Variants in RAD50 observed in about 807,000 individuals in gnomAD.
RAD50 encodes the protein RAD50 double strand break repair protein.
RAD50 carries 132 observed loss-of-function variants against 168.8 expected under a neutral mutation model. The ratio of observed to expected loss-of-function variants is 0.78; its 90% confidence interval spans 0.68 to 0.90. The LOEUF (loss-of-function observed/expected upper bound fraction) is 0.90, where lower values mean the gene tolerates loss of function less well. Among genes scored for constraint, RAD50 ranks in the 40% least tolerant of loss-of-function variants. The pLI is 0.00. For missense variants in RAD50, 1,347 were observed against 1,534.4 expected (o/e 0.88, Z 2.04); for synonymous variants, 525 against 497.4 (o/e 1.06, Z -0.74).
At chr5:132,570,451 C>A (rs995650246) in intron 2 of RAD50, among the ~76,000 whole-genome samples, 1 of 152,246 alleles carries the variant, frequency 6.6e-6, no homozygotes, top group African/African-American at 2.4e-5. Context: ...TCATCAATTA[C>A]CTGAGCTAGA....
intron 3 of RAD50, among the ~76,000 whole-genome samples, chr5:132,576,275 A>T (rs1262728332): frequency 1.3e-5 from 2 of 152,208 alleles, no homozygotes; most frequent in Non-Finnish European, 2.9e-5. Context: ...GAAAGCACAT[A>T]ATCACTCAAA....
chr5:132,562,181 A>G (rs535471965), intron 2 of RAD50, among the ~76,000 whole-genome samples: 3 of 152,372 alleles, frequency 2.0e-5, no homozygotes, highest in Admixed American at 1.3e-4. Flanking sequence ...AGGAGAGACT[A>G]GATCCTGTAG....
intron 13 of RAD50, among the ~76,000 whole-genome samples, chr5:132,596,683 A>T (rs555521397): frequency 6.6e-6 from 1 of 152,384 alleles, no homozygotes; most frequent in East Asian, 1.9e-4. Context: ...GACCTAAGAC[A>T]TGACCCTCCA....
intron 5 of RAD50, among the ~76,000 whole-genome samples, chr5:132,583,125 T>G (rs1170681849): frequency 2.6e-5 from 4 of 152,250 alleles, no homozygotes; most frequent in African/African-American, 7.2e-5. Context: ...TGTTAGACTC[T>G]ACTCAAAAGG....
chr5:132,582,598 C>T (rs754295011), intron 5 of RAD50, among the ~76,000 whole-genome samples: 1 of 152,174 alleles, frequency 6.6e-6, no homozygotes, highest in Non-Finnish European at 1.5e-5. Context: ...ACCATCCCAC[C>T]ATATCCTGTC....
At chr5:132,566,909 G>A (rs1750219192) in intron 2 of RAD50, among the ~76,000 whole-genome samples, 1 of 152,084 alleles carries the variant, frequency 6.6e-6, no homozygotes, top group Non-Finnish European at 1.5e-5. Flanking sequence ...ACTTCCTTTA[G>A]ACTACCTTCC....
intron 13 of RAD50, among the ~76,000 whole-genome samples, chr5:132,601,898 G>A (rs561912734): frequency 1.3e-5 from 2 of 152,196 alleles, no homozygotes; most frequent in South Asian, 4.2e-4. Flanking sequence ...AACATTGCAT[G>A]TTCTCACTCA....
At chr5:132,599,163 T>C (rs966894234) in intron 13 of RAD50, among the ~76,000 whole-genome samples, 20 of 152,294 alleles carry the variant, frequency 1.3e-4, no homozygotes, top group Admixed American at 1.1e-3. Flanking sequence ...TTTTCATGGT[T>C]TCATGGGATG....
Position 132,618,052 on chromosome 5 carries a change from C to A in RAD50, c.3165-18C>A. 2 of 1,603,098 alleles carry A rather than the reference C, an allele frequency of 1.2e-6. No homozygotes were observed. Among genetic ancestry groups the A allele is most frequent in the South Asian group, 2.2e-5 (2 of 90,658 alleles). ...AAGCTAAAAAATGGTCCTCATTTGTCATTTTTCTTTTTTACAGTGAACATC... is the reference window on the plus strand; with the variant it reads ...AAGCTAAAAAATGGTCCTCATTTGTAATTTTTCTTTTTTACAGTGAACATC... On this transcript the variant is annotated intron_variant, in intron 20 of 24. Coordinates refer to ENST00000378823, the MANE Select transcript of RAD50 (RefSeq NM_005732.4).
At chr5:132,597,114 T>A (rs973376193) in intron 13 of RAD50, among the ~76,000 whole-genome samples, 2 of 152,142 alleles carry the variant, frequency 1.3e-5, no homozygotes, top group Non-Finnish European at 2.9e-5. Flanking sequence ...GGAAAATTAA[T>A]CTAATATTAA....
intron 19 of RAD50, among the ~76,000 whole-genome samples, chr5:132,612,730 A>G (rs1751108383): frequency 6.6e-6 from 1 of 152,066 alleles, no homozygotes; most frequent in Non-Finnish European, 1.5e-5. Context: ...CAGGAGGCTG[A>G]GGTGGGAGGA....
Position 132,642,926 on chromosome 5 carries a change from G to A in RAD50, c.*562G>A, listed in dbSNP as rs1751763624. The A allele has an allele frequency of 2.2e-6, 1 of 457,568 alleles. No homozygotes were observed. Among genetic ancestry groups the A allele is most frequent in the Non-Finnish European group, 4.5e-6 (1 of 219,844 alleles). The allele number at this position is 457,568 out of a possible 1,614,324, so 28.3% of individuals were successfully genotyped here. ...CTAAAATTTGAAGTAGTTGAATGGG[G>A]TCTCAAAGTTTGACAGGAACCTTAA... On this transcript the variant is annotated 3_prime_UTR_variant, in exon 25 of 25. Transcript: ENST00000378823.
intron 19 of RAD50, among the ~76,000 whole-genome samples, chr5:132,611,467 A>T (rs1751084545): frequency 6.6e-6 from 1 of 152,112 alleles, no homozygotes; most frequent in Admixed American, 6.6e-5. Flanking sequence ...GCACTTTGGG[A>T]GGCCAAGGCG....
intron 21 of RAD50, among the ~76,000 whole-genome samples, chr5:132,626,871 T>G (rs995500982): frequency 6.7e-6 from 1 of 148,232 alleles, no homozygotes. Flanking sequence ...GGCCCCCTGC[T>G]TTTTTTTTTA....
In RAD50 at chr5:132,618,256, G is replaced by A. The variant is rs1554099887; in HGVS notation, c.3351G>A (p.Val1117=). 2 of 1,614,010 alleles carry A rather than the reference G, an allele frequency of 1.2e-6. No homozygotes were observed. The highest frequency in any genetic ancestry group is 1.7e-6 in the Non-Finnish European group (2 of 1,179,970). The change falls in exon 21 of 25, where the codon GTG becomes GTA. Residue 1117 remains valine (V), a synonymous_variant. Transcript: ENST00000378823. ...MMIVMRTTEL[V]NKDLDIYYKT... Reference sequence around the variant, plus strand: ...TTGTTATGAGGACAACAGAACTTGTGAACAAGGATCTGGATATTTATTATA... The same window carrying A: ...TTGTTATGAGGACAACAGAACTTGTAAACAAGGATCTGGATATTTATTATA...
At chr5:132,599,732 T>G (rs1202817307) in intron 13 of RAD50, among the ~76,000 whole-genome samples, 1 of 146,716 alleles carries the variant, frequency 6.8e-6, no homozygotes, top group Non-Finnish European at 1.5e-5. Context: ...CAAGAGGACT[T>G]TTTTTTTTTT....
At chr5:132,635,211 G>A (rs1215005786) in intron 21 of RAD50, among the ~76,000 whole-genome samples, 1 of 152,160 alleles carries the variant, frequency 6.6e-6, no homozygotes, top group Non-Finnish European at 1.5e-5. Context: ...TCTTAGTTTT[G>A]TTAATGGTAA....
At chr5:132,620,147 C>T (rs1429087717) in intron 21 of RAD50, among the ~76,000 whole-genome samples, 1 of 152,102 alleles carries the variant, frequency 6.6e-6, no homozygotes, top group Non-Finnish European at 1.5e-5. Flanking sequence ...CCTCGTGATC[C>T]ACCTGTATTG....
chr5:132,596,576 C>T lies in RAD50; in HGVS notation c.2207+766C>T, dbSNP rs79051029. ...TTTTCCATCACTTATACAAGAAATT[C>T]GTGTTATGTTCTGTTTACAAACAAA... On this transcript the variant is annotated intron_variant, in intron 13 of 24. Coordinates refer to ENST00000378823, the MANE Select transcript of RAD50 (RefSeq NM_005732.4). 2.3e-3 allele frequency among the ~76,000 whole-genome samples: 357 copies of T among 152,278 alleles called. 1 individual carries two copies. The highest frequency in any genetic ancestry group is 4.3e-3 in the Non-Finnish European group (293 of 68,022).
Sources: allele counts gnomAD v4.1 joint callset (sites outside exome capture counted in the v4.1 genomes callset), GRCh38; gene constraint gnomAD v4.1.1; transcripts MANE v1.5; gene names NCBI Gene and HGNC (gene_info 2026-07-23, HGNC 2026-07-21).